Variants in CNBD1 observed in about 807,000 individuals in gnomAD.
CNBD1 encodes the protein cyclic nucleotide binding domain containing 1, also known as cyclic nucleotide-binding domain-containing protein 1.
In CNBD1, 71 loss-of-function variants were observed where a neutral mutation model predicts 54.4. The observed-to-expected ratio is 1.30, with a 90% CI of 1.08 to 1.59. CNBD1 has a LOEUF of 1.59. Among genes scored for constraint, CNBD1 ranks in the 40% most tolerant of loss-of-function variants. The probability of loss-of-function intolerance (pLI) is 0.00; values close to 1 mark genes in which losing one functional copy is unlikely to be tolerated. For missense variants in CNBD1, 659 were observed against 518.0 expected, an observed-to-expected ratio of 1.27 and a Z score of -2.64; for synonymous variants, 182 against 170.7, an observed-to-expected ratio of 1.07 and a Z score of -0.51.
At chr8:87,000,257 T>A (rs1490025011) in intron 4 of CNBD1, among the ~76,000 whole-genome samples, 1 of 152,080 alleles carries the variant, frequency 6.6e-6, no homozygotes, top group African/African-American at 2.4e-5. Flanking sequence ...TTTAAGGCAA[T>A]TTTCCCTGTT....
chr8:86,991,138 A>G (rs1246925701), intron 4 of CNBD1, among the ~76,000 whole-genome samples: 4 of 152,070 alleles, frequency 2.6e-5, no homozygotes, highest in Admixed American at 2.0e-4. Flanking sequence ...TGATAATTTG[A>G]CTTCTTCCTT....
At chr8:87,342,417 C>T (rs1810083907) in intron 8 of CNBD1, among the ~76,000 whole-genome samples, 1 of 152,024 alleles carries the variant, frequency 6.6e-6, no homozygotes, top group African/African-American at 2.4e-5. Context: ...GAGTATATTT[C>T]TCTCAGTTAC....
chr8:87,019,017 C>A (rs62526212), intron 4 of CNBD1, among the ~76,000 whole-genome samples: 1 of 151,186 alleles, frequency 6.6e-6, no homozygotes, highest in Non-Finnish European at 1.5e-5. Context: ...GGATAAAATA[C>A]CTTGTAACAA....
intron 10 of CNBD1, among the ~76,000 whole-genome samples, chr8:87,358,662 A>C (rs572346807): frequency 6.6e-6 from 1 of 152,178 alleles, no homozygotes; most frequent in Non-Finnish European, 1.5e-5. Context: ...AAGTCCCATG[A>C]TATGCTTTCA....
rs370955408 is a variant in CNBD1 at position 87,071,945 on chromosome 8, A to G, written c.431+132191A>G. Among the ~76,000 whole-genome samples the G allele has an allele frequency of 4.6e-5, 7 of 152,198 alleles. No homozygotes were observed. The East Asian group carries it at 5.8e-4, about 13-fold the overall frequency. ...TCCCACTATACTTGTGTGGGAGTCT[A>G]TGTCTCTTTATAGGTCTCTAAGAAC... On this transcript the variant is annotated intron_variant, in intron 4 of 10. Transcript: ENST00000518476.
chr8:87,330,374 TA>T (rs1175385620), intron 8 of CNBD1, among the ~76,000 whole-genome samples: 2 of 151,926 alleles, frequency 1.3e-5, no homozygotes, highest in African/African-American at 4.8e-5. Context: ...TTACTAGTTT[TA>T]TTTTTTTTCT....
intron 4 of CNBD1, among the ~76,000 whole-genome samples, chr8:87,030,861 T>TCCCTCTCCTC (rs1228172510): frequency 2.8e-4 from 14 of 50,820 alleles, no homozygotes; most frequent in African/African-American, 1.1e-3. Context: ...CTCCCTCTCC[T>TCCCTCTCCTC]CCCTCTCCTC....
intron 5 of CNBD1, among the ~76,000 whole-genome samples, chr8:87,209,249 A>G (rs1056395152): frequency 2.6e-5 from 4 of 152,160 alleles, no homozygotes; most frequent in African/African-American, 9.6e-5. Flanking sequence ...AAAATTGAAT[A>G]GGAGGGTATA....
intron 4 of CNBD1, among the ~76,000 whole-genome samples, chr8:86,964,924 C>T (rs1009418409): frequency 5.3e-5 from 8 of 152,150 alleles, no homozygotes; most frequent in Non-Finnish European, 1.0e-4. Flanking sequence ...ACATAAGGGA[C>T]GTTGGACTAT....
chr8:87,189,006 A>G (rs898029734), intron 4 of CNBD1, among the ~76,000 whole-genome samples: 5 of 152,120 alleles, frequency 3.3e-5, no homozygotes, highest in African/African-American at 7.2e-5. Context: ...TCACAGAGAA[A>G]TGCAGCTTAT....
intron 2 of CNBD1, among the ~76,000 whole-genome samples, chr8:87,421,401 T>A (rs1180748521): frequency 6.7e-6 from 1 of 149,784 alleles, no homozygotes; most frequent in Non-Finnish European, 1.5e-5. Context: ...ATTAGGTATA[T>A]CTCCCAATGC....
intron 4 of CNBD1, among the ~76,000 whole-genome samples, chr8:86,976,956 T>C (rs1417383026): frequency 1.3e-5 from 2 of 152,170 alleles, no homozygotes; most frequent in East Asian, 1.9e-4. Flanking sequence ...AATAAGATCA[T>C]TCTATCGGCA....
intron 4 of CNBD1, among the ~76,000 whole-genome samples, chr8:87,167,625 C>T (rs891747282): frequency 6.6e-5 from 10 of 151,646 alleles, no homozygotes; most frequent in East Asian, 1.9e-4. Flanking sequence ...GTCTGGTTCT[C>T]GCAAGGTGGA....
chr8:87,013,941 G>A (rs1809277468), intron 4 of CNBD1, among the ~76,000 whole-genome samples: 1 of 150,742 alleles, frequency 6.6e-6, no homozygotes, highest in South Asian at 2.1e-4. Flanking sequence ...CTAGGGTGAT[G>A]CAACATATTA....
chr8:87,247,830 A>G (rs1807837481), intron 6 of CNBD1, among the ~76,000 whole-genome samples: 1 of 152,190 alleles, frequency 6.6e-6, no homozygotes, highest in South Asian at 2.1e-4. Context: ...AAATGTTTTT[A>G]AGTTCAGGTG....
chr8:87,216,349 A>G (rs1352974195), intron 5 of CNBD1, among the ~76,000 whole-genome samples: 7 of 152,216 alleles, frequency 4.6e-5, no homozygotes, highest in Non-Finnish European at 7.4e-5. Flanking sequence ...AAAAATTAGC[A>G]TATCAGAGAC....
At chr8:87,301,017 A>T (rs1334046374) in intron 8 of CNBD1, among the ~76,000 whole-genome samples, 1 of 152,152 alleles carries the variant, frequency 6.6e-6, no homozygotes, top group Non-Finnish European at 1.5e-5. Context: ...AACAGGAGAT[A>T]TTACAACTGA....
At chr8:87,403,147 A>G (rs1807596758) in intron 2 of CNBD1, among the ~76,000 whole-genome samples, 2 of 151,998 alleles carry the variant, frequency 1.3e-5, no homozygotes, top group Non-Finnish European at 2.9e-5. Context: ...AAATTGATTT[A>G]ATTTTTTAAA....
At chr8:87,336,860 A>C (rs891935109) in intron 8 of CNBD1, among the ~76,000 whole-genome samples, 6 of 151,914 alleles carry the variant, frequency 3.9e-5, no homozygotes, top group Non-Finnish European at 7.4e-5. Context: ...GAAGCTACTG[A>C]CCCTTGGATG....
Sources: allele counts gnomAD v4.1 joint callset (sites outside exome capture counted in the v4.1 genomes callset), GRCh38; gene constraint gnomAD v4.1.1; transcripts MANE v1.5; gene names NCBI Gene and HGNC (gene_info 2026-07-23, HGNC 2026-07-21).